Variants in CDH13 observed in about 807,000 individuals in gnomAD.
CDH13 encodes cadherin-13.
CDH13 carries 24 observed loss-of-function variants against 63.8 expected under a neutral mutation model. The observed-to-expected ratio is 0.38, with a 90% confidence interval of 0.27 to 0.53. CDH13 has a LOEUF of 0.53. Among genes scored for constraint, CDH13 ranks in the 20% least tolerant of loss-of-function variants. CDH13 has a pLI of 0.85. For missense variants in CDH13, 1,049 were observed against 903.1 expected (o/e 1.16, Z -2.07); for synonymous variants, 503 against 355.3 (o/e 1.42, Z -4.67).
At chr16:83,144,026 C>T (rs1027891074) in intron 4 of CDH13, among the ~76,000 whole-genome samples, 4 of 152,042 alleles carry the variant, frequency 2.6e-5, no homozygotes, top group South Asian at 2.1e-4. Context: ...AACCCCTGGG[C>T]CCTGTTTGTT....
chr16:83,746,544 G>A (rs1912601776), intron 10 of CDH13, among the ~76,000 whole-genome samples: 1 of 152,108 alleles, frequency 6.6e-6, no homozygotes, highest in Non-Finnish European at 1.5e-5. Context: ...TGAAGACTCG[G>A]GGTTAACTTG....
At chr16:82,751,907 G>C (rs1173341510) in intron 1 of CDH13, among the ~76,000 whole-genome samples, 1 of 152,164 alleles carries the variant, frequency 6.6e-6, no homozygotes, top group Admixed American at 6.5e-5. Flanking sequence ...AAAGCAGCCT[G>C]ATGTAGGCCA....
rs149631189 is a variant in CDH13 at position 82,673,998 on chromosome 16, T to C, written c.45+46861T>C. Among the ~76,000 whole-genome samples, 153 of 152,340 alleles carry C rather than the reference T, an allele frequency of 1.0e-3. 1 individual carries two copies. The East Asian group carries it at 0.023, about 23-fold the overall frequency. Reference sequence around the variant, plus strand: ...AAAGTGTTCTTTCTCCTCCAGACTTTCAAAGGATGTACTCTAGGGCTCGAA... The same window carrying C: ...AAAGTGTTCTTTCTCCTCCAGACTTCCAAAGGATGTACTCTAGGGCTCGAA... On this transcript the variant is annotated intron_variant, in intron 1 of 13. Transcript: ENST00000567109.
intron 7 of CDH13, among the ~76,000 whole-genome samples, chr16:83,561,839 T>G (rs771754298): frequency 1.1e-4 from 17 of 152,174 alleles, no homozygotes; most frequent in Non-Finnish European, 1.8e-4. Flanking sequence ...TGTTTTGTAG[T>G]TCCTTAAAAG....
At chr16:82,641,974 C>T (rs1168752252) in intron 1 of CDH13, among the ~76,000 whole-genome samples, 1 of 151,458 alleles carries the variant, frequency 6.6e-6, no homozygotes, top group Non-Finnish European at 1.5e-5. Context: ...TCGCTGTTGG[C>T]TGTAGGGTGA....
intron 7 of CDH13, among the ~76,000 whole-genome samples, chr16:83,593,762 G>T (rs1415515244): frequency 1.3e-5 from 2 of 151,998 alleles, no homozygotes; most frequent in Non-Finnish European, 2.9e-5. Context: ...TATCTCCCAG[G>T]CAGAGACATA....
chr16:83,016,198 A>C (rs1914777533), intron 2 of CDH13, among the ~76,000 whole-genome samples: 1 of 152,184 alleles, frequency 6.6e-6, no homozygotes, highest in African/African-American at 2.4e-5. Flanking sequence ...TCTTGCTTAC[A>C]CCAGAAAACC....
intron 2 of CDH13, among the ~76,000 whole-genome samples, chr16:82,998,915 A>G (rs1445515921): frequency 7.3e-6 from 1 of 136,470 alleles, no homozygotes; most frequent in Admixed American, 7.5e-5. Context: ...AACTTTCACC[A>G]ACACTTTTCT....
At chr16:83,063,098 A>G (rs2031710957) in intron 3 of CDH13, among the ~76,000 whole-genome samples, 1 of 151,926 alleles carries the variant, frequency 6.6e-6, no homozygotes, top group Non-Finnish European at 1.5e-5. Flanking sequence ...AATAGCTGAG[A>G]CTACAGGCAC....
At chr16:83,393,050 C>T (rs536976790) in intron 6 of CDH13, among the ~76,000 whole-genome samples, 2 of 152,256 alleles carry the variant, frequency 1.3e-5, no homozygotes, top group East Asian at 1.9e-4. Context: ...GGGCCAGAGA[C>T]AGTTCCCTGC....
chr16:83,635,707 T>C (rs1911199710), intron 8 of CDH13, among the ~76,000 whole-genome samples: 1 of 152,214 alleles, frequency 6.6e-6, no homozygotes, highest in African/African-American at 2.4e-5. Context: ...TATATGCACA[T>C]CCTTTGTCGG....
chr16:83,777,391 T>C (rs72802867), intron 11 of CDH13, among the ~76,000 whole-genome samples: 4,140 of 152,270 alleles, frequency 0.027, 94 homozygotes, highest in Non-Finnish European at 0.038. Context: ...TAGAGCCACA[T>C]GGGGAGGGTA....
At chr16:82,721,384 T>A (rs918210546) in intron 1 of CDH13, among the ~76,000 whole-genome samples, 3 of 151,968 alleles carry the variant, frequency 2.0e-5, no homozygotes, top group Admixed American at 2.0e-4. Flanking sequence ...GAAAGTTATA[T>A]TTAGGATGAG....
At chr16:83,291,759 T>C (rs1239467035) in intron 5 of CDH13, among the ~76,000 whole-genome samples, 2 of 152,194 alleles carry the variant, frequency 1.3e-5, no homozygotes, top group African/African-American at 4.8e-5. Context: ...GACCTGAATT[T>C]ATGCCAACTG....
intron 7 of CDH13, among the ~76,000 whole-genome samples, chr16:83,492,184 C>A (rs183499164): frequency 2.1e-5 from 3 of 140,798 alleles, no homozygotes; most frequent in East Asian, 4.4e-4. Flanking sequence ...GATATCAAAT[C>A]AAGCTGCCAG....
chr16:83,620,071 G>A (rs1909666341), intron 8 of CDH13, among the ~76,000 whole-genome samples: 1 of 152,036 alleles, frequency 6.6e-6, no homozygotes. Flanking sequence ...CCAAGTGCAT[G>A]GGGAAGACAT....
In CDH13 at chr16:83,432,308, A is replaced by G. The variant is rs75562961; in HGVS notation, c.782-54169A>G. ...ATCAGTAGCTGCAGTAGCTCCTTCT[A>G]GTGCTGTGCCAGGCACAGAACTCAT... On this transcript the variant is annotated intron_variant, in intron 6 of 13. Transcript: ENST00000567109. Among the ~76,000 whole-genome samples the G allele has an allele frequency of 2.2e-3, 331 of 152,316 alleles. 8 individuals carry two copies. In the East Asian group the frequency reaches 0.05, roughly 23 times the overall value.
intron 8 of CDH13, among the ~76,000 whole-genome samples, chr16:83,610,482 G>T (rs1255672813): frequency 6.6e-6 from 1 of 152,060 alleles, no homozygotes; most frequent in African/African-American, 2.4e-5. Context: ...CAACTCAAAA[G>T]CTTCCTAGGG....
At chr16:83,059,272 C>G (rs1034413894) in intron 3 of CDH13, among the ~76,000 whole-genome samples, 5 of 151,946 alleles carry the variant, frequency 3.3e-5, no homozygotes, top group Admixed American at 6.5e-5. Context: ...GCCTTTTTTC[C>G]TAGTCTCCCT....
Sources: allele counts gnomAD v4.1 joint callset (sites outside exome capture counted in the v4.1 genomes callset), GRCh38; gene constraint gnomAD v4.1.1; transcripts MANE v1.5; gene names NCBI Gene and HGNC (gene_info 2026-07-23, HGNC 2026-07-21).